The following CDH12 variants were observed in gnomAD, a reference collection of about 807,000 sequenced individuals.
CDH12 encodes the protein cadherin-12.
CDH12 carries 41 observed loss-of-function variants against 74.1 expected under a neutral mutation model. That is an observed-to-expected ratio of 0.55 (90% CI 0.43 to 0.72). The LOEUF (loss-of-function observed/expected upper bound fraction) is 0.72, where lower values mean the gene tolerates loss of function less well. CDH12 is among the 30% of genes least tolerant of loss of function. The pLI, the probability that CDH12 is intolerant of heterozygous loss-of-function variation, is 0.00. For synonymous variants in CDH12, 399 were observed against 355.0 expected (o/e 1.12, Z -1.39); for missense variants, 945 against 977.2 (o/e 0.97, Z 0.44).
At chr5:22,124,222 C>T (rs996601995) in intron 4 of CDH12, among the ~76,000 whole-genome samples, 3 of 152,090 alleles carry the variant, frequency 2.0e-5, no homozygotes, top group African/African-American at 7.2e-5. Flanking sequence ...GTGGCAGGAT[C>T]TTGGCTCACT....
chr5:22,296,882 C>G lies in CDH12; in HGVS notation c.-332-84239G>C, dbSNP rs1015486166. Among the ~76,000 whole-genome samples, 7 of 152,118 alleles carry G rather than the reference C, an allele frequency of 4.6e-5. 1 individual carries two copies. Among genetic ancestry groups the G allele is most frequent in the Admixed American group, 4.6e-4 (7 of 15,268 alleles). ...ACTCCTATGTATAGCACCATTAAAGCATGAACACAGAAGGGAAAAATATCT... is the reference window on the plus strand; with the variant it reads ...ACTCCTATGTATAGCACCATTAAAGGATGAACACAGAAGGGAAAAATATCT... On this transcript the variant is annotated intron_variant, in intron 3 of 14. Coordinates refer to ENST00000382254, the MANE Select transcript of CDH12 (RefSeq NM_004061.5).
At chr5:22,318,802 T>C (rs1206052259) in intron 3 of CDH12, among the ~76,000 whole-genome samples, 5 of 152,212 alleles carry the variant, frequency 3.3e-5, no homozygotes, top group African/African-American at 9.6e-5. Flanking sequence ...TGTCAAATGT[T>C]GAGACTATTT....
At chr5:22,649,067 T>C (rs1360617285) in intron 1 of CDH12, among the ~76,000 whole-genome samples, 1 of 151,978 alleles carries the variant, frequency 6.6e-6, no homozygotes, top group Admixed American at 6.6e-5. Context: ...AAAATCAAGC[T>C]GGTTAATGAA....
chr5:22,337,298 C>A (rs1422179937), intron 3 of CDH12, among the ~76,000 whole-genome samples: 1 of 152,058 alleles, frequency 6.6e-6, no homozygotes, highest in Non-Finnish European at 1.5e-5. Flanking sequence ...TGATTTAATG[C>A]TGAAATGAGT....
rs528759723 is a variant in CDH12 at position 22,149,868 on chromosome 5, G to A, written c.-187+62630C>T. On this transcript the variant is annotated intron_variant, in intron 4 of 14. Transcript: ENST00000382254. ...AAATTAGCCAGGCATGGTGGCAGGT[G>A]CCTGTAATCCCAGCTTCTCGGGAGG... 2.5e-3 allele frequency among the ~76,000 whole-genome samples: 387 copies of A among 152,248 alleles called. 3 individuals carry two copies. Among genetic ancestry groups the A allele is most frequent in the Admixed American group, 5.5e-3 (84 of 15,294 alleles).
At chr5:22,528,920 G>A (rs1454492267) in intron 1 of CDH12, among the ~76,000 whole-genome samples, 2 of 150,844 alleles carry the variant, frequency 1.3e-5, no homozygotes, top group Admixed American at 6.7e-5. Context: ...AACCAATTCA[G>A]AAAACTCATT....
chr5:22,830,533 G>A (rs985157155), intron 1 of CDH12, among the ~76,000 whole-genome samples: 5 of 151,622 alleles, frequency 3.3e-5, no homozygotes, highest in Admixed American at 1.3e-4. Context: ...GGCACTTTCT[G>A]CTTTTGAAGT....
intron 5 of CDH12, among the ~76,000 whole-genome samples, chr5:22,015,049 G>T (rs1737518997): frequency 6.6e-6 from 1 of 152,044 alleles, no homozygotes; most frequent in Non-Finnish European, 1.5e-5. Flanking sequence ...GCAAAACAAT[G>T]GGAAATTTCT....
At chr5:21,843,453 T>C (rs757979197) in intron 7 of CDH12, among the ~76,000 whole-genome samples, 18 of 151,840 alleles carry the variant, frequency 1.2e-4, no homozygotes, top group Non-Finnish European at 1.8e-4. Context: ...GGCAGGAAAT[T>C]GTTGCAAAAA....
At chr5:21,991,160 C>T (rs563364645) in intron 5 of CDH12, among the ~76,000 whole-genome samples, 2 of 151,776 alleles carry the variant, frequency 1.3e-5, no homozygotes, top group South Asian at 4.2e-4. Flanking sequence ...TACTAGAAAA[C>T]ACAATTTAGT....
At chr5:22,374,577 A>G (rs1468346101) in intron 3 of CDH12, among the ~76,000 whole-genome samples, 1 of 152,136 alleles carries the variant, frequency 6.6e-6, no homozygotes, top group Non-Finnish European at 1.5e-5. Flanking sequence ...CTCTACCACA[A>G]AACCCCTAGT....
chr5:22,405,973 G>C (rs1050464644), intron 2 of CDH12, among the ~76,000 whole-genome samples: 1 of 152,036 alleles, frequency 6.6e-6, no homozygotes, highest in Non-Finnish European at 1.5e-5. Flanking sequence ...AGTTATACTG[G>C]ATTATTTAGG....
chr5:22,811,440 A>C (rs766893411), intron 1 of CDH12, among the ~76,000 whole-genome samples: 1 of 152,138 alleles, frequency 6.6e-6, no homozygotes, highest in Admixed American at 6.6e-5. Flanking sequence ...TTGTGAGCTG[A>C]GAGACTGATA....
intron 4 of CDH12, among the ~76,000 whole-genome samples, chr5:22,181,017 C>T (rs557214443): frequency 2.0e-5 from 3 of 151,960 alleles, no homozygotes; most frequent in Non-Finnish European, 4.4e-5. Flanking sequence ...GTATGCAAAC[C>T]CCTTCACATT....
At chr5:22,126,539 CT>C (rs953321049) in intron 4 of CDH12, among the ~76,000 whole-genome samples, 5 of 152,130 alleles carry the variant, frequency 3.3e-5, no homozygotes, top group Admixed American at 3.3e-4. Flanking sequence ...ATAAAAAAAA[CT>C]TATATACACT....
At chr5:21,864,150 T>C (rs888617300) in intron 6 of CDH12, among the ~76,000 whole-genome samples, 3 of 151,946 alleles carry the variant, frequency 2.0e-5, no homozygotes, top group African/African-American at 4.8e-5. Context: ...TGTGTGTGTG[T>C]GCATGTAAGA....
intron 1 of CDH12, among the ~76,000 whole-genome samples, chr5:22,698,053 G>T (rs1373971503): frequency 2.7e-5 from 4 of 149,266 alleles, no homozygotes; most frequent in Non-Finnish European, 5.9e-5. Flanking sequence ...TAATACAATT[G>T]AACTCATTTT....
chr5:22,108,307 C>G (rs191879310), intron 4 of CDH12, among the ~76,000 whole-genome samples: 281 of 152,284 alleles, frequency 1.8e-3, no homozygotes, highest in African/African-American at 6.5e-3. Context: ...TGAGGACTCC[C>G]CAGCTATGTG....
chr5:22,300,365 A>G (rs1367369706), intron 3 of CDH12, among the ~76,000 whole-genome samples: 1 of 152,126 alleles, frequency 6.6e-6, no homozygotes, highest in Non-Finnish European at 1.5e-5. Flanking sequence ...ATATATTTTT[A>G]AAAAGACTGT....
Sources: gnomAD v4.1 joint callset for allele counts (sites outside exome capture counted in the v4.1 genomes callset) on GRCh38, gnomAD v4.1.1 for gene constraint, MANE v1.5 for transcripts, NCBI Gene and HGNC (gene_info 2026-07-23, HGNC 2026-07-21) for gene names.